Variants in SLC44A1 observed in about 807,000 individuals in gnomAD.
The protein encoded by SLC44A1 is choline transporter-like protein 1.
A neutral mutation model predicts 79.3 loss-of-function variants in SLC44A1; 26 were observed. The ratio of observed to expected loss-of-function variants is 0.33; its 90% confidence interval spans 0.24 to 0.46. SLC44A1 has a LOEUF of 0.46. Ranked by LOEUF, SLC44A1 falls within the 20% of genes least tolerant of loss-of-function variation. The pLI is 1.00. For synonymous variants in SLC44A1, 263 were observed against 286.2 expected (o/e 0.92, Z 0.82); for missense variants, 688 against 798.1 (o/e 0.86, Z 1.66).
chr9:105,287,332 C>T (rs1372139869), intron 1 of SLC44A1, among the ~76,000 whole-genome samples: 2 of 152,168 alleles, frequency 1.3e-5, no homozygotes, highest in Non-Finnish European at 2.9e-5. Flanking sequence ...TTCAGTTTTT[C>T]TCATTGTATT....
intron 4 of SLC44A1, among the ~76,000 whole-genome samples, chr9:105,341,917 T>G (rs1397590863): frequency 6.6e-6 from 1 of 152,220 alleles, no homozygotes; most frequent in East Asian, 1.9e-4. Context: ...TTCATATCTC[T>G]TCTTCTCTTA....
intron 5 of SLC44A1, among the ~76,000 whole-genome samples, chr9:105,355,545 A>G (rs1168038184): frequency 6.6e-6 from 1 of 152,192 alleles, no homozygotes; most frequent in African/African-American, 2.4e-5. Context: ...ATCACATTAG[A>G]TATACTTTTC....
intron 4 of SLC44A1, among the ~76,000 whole-genome samples, chr9:105,343,102 C>T (rs1427065108): frequency 4.0e-5 from 6 of 151,796 alleles, no homozygotes; most frequent in Non-Finnish European, 7.4e-5. Flanking sequence ...TTCCATTATT[C>T]TTATCAAAGT....
At chr9:105,289,269 C>G (rs1830547618) in intron 1 of SLC44A1, among the ~76,000 whole-genome samples, 1 of 152,074 alleles carries the variant, frequency 6.6e-6, no homozygotes, top group South Asian at 2.1e-4. Flanking sequence ...AGTCCCTGTC[C>G]CCAAGTAGAC....
intron 1 of SLC44A1, among the ~76,000 whole-genome samples, chr9:105,283,242 C>G (rs909117072): frequency 6.6e-6 from 1 of 152,198 alleles, no homozygotes; most frequent in South Asian, 2.1e-4. Flanking sequence ...GTAAGGCAAG[C>G]CTGCAGATCT....
At chr9:105,385,213 AAAG>A (rs1482629469) in intron 14 of SLC44A1, among the ~76,000 whole-genome samples, 1 of 152,200 alleles carries the variant, frequency 6.6e-6, no homozygotes, top group Non-Finnish European at 1.5e-5. Flanking sequence ...GAATGGATGG[AAAG>A]AAGATTTTTT....
chr9:105,407,250 G>T (rs908530142), intron 15 of SLC44A1, among the ~76,000 whole-genome samples: 2 of 151,912 alleles, frequency 1.3e-5, no homozygotes, highest in African/African-American at 4.8e-5. Context: ...GGGCTATAAA[G>T]AAAAAAATAC....
chr9:105,419,897 A>G (rs1249621883), intron 15 of SLC44A1, among the ~76,000 whole-genome samples: 1 of 148,066 alleles, frequency 6.8e-6, no homozygotes, highest in Non-Finnish European at 1.5e-5. Flanking sequence ...CTGGGCCATA[A>G]TAGTGAAACT....
chr9:105,316,056 ATTTG>A (rs1361993406), intron 3 of SLC44A1, among the ~76,000 whole-genome samples: 1 of 152,188 alleles, frequency 6.6e-6, no homozygotes, highest in Non-Finnish European at 1.5e-5. Context: ...TCATTCATTC[ATTTG>A]TGAACTCTGT....
At chr9:105,263,082 A>G (rs1829878431) in intron 1 of SLC44A1, among the ~76,000 whole-genome samples, 1 of 152,208 alleles carries the variant, frequency 6.6e-6, no homozygotes, top group Admixed American at 6.5e-5. Context: ...AAATTGTCAC[A>G]TGGAATCCTT....
chr9:105,301,451 A>G (rs1333408883), intron 2 of SLC44A1, among the ~76,000 whole-genome samples: 2 of 152,260 alleles, frequency 1.3e-5, no homozygotes, highest in Admixed American at 6.5e-5. Flanking sequence ...TTGAGCTAAC[A>G]TCGTATTTTG....
chr9:105,423,016 A>G (rs568906321), intron 15 of SLC44A1, among the ~76,000 whole-genome samples: 1 of 152,332 alleles, frequency 6.6e-6, no homozygotes, highest in African/African-American at 2.4e-5. Context: ...GTACTTATTG[A>G]ATGAACAAAG....
chr9:105,398,123 T>C (rs74671968), downstream of SLC44A1, among the ~76,000 whole-genome samples: 9,423 of 152,274 alleles, frequency 0.062, 368 homozygotes, highest in Non-Finnish European at 0.085. Context: ...GCAGTAGCTG[T>C]GCCCCATTTA....
chr9:105,284,882 A>C (rs550440845), intron 1 of SLC44A1, among the ~76,000 whole-genome samples: 33 of 152,198 alleles, frequency 2.2e-4, no homozygotes, highest in Non-Finnish European at 4.7e-4. Context: ...CAGTTTTAGA[A>C]CATTTTTATC....
At chr9:105,378,632 T>C (rs977940119) in intron 13 of SLC44A1, among the ~76,000 whole-genome samples, 2 of 152,054 alleles carry the variant, frequency 1.3e-5, no homozygotes, top group African/African-American at 4.8e-5. Flanking sequence ...GATAAATACA[T>C]TTTTTTAATT....
At position 105,356,289 on chromosome 9, in the gene SLC44A1, C is replaced by T. The variant is rs770643737; in HGVS notation, c.578C>T (p.Thr193Ile). The T allele has an allele frequency of 5.6e-6, 9 of 1,613,090 alleles. No individual in the cohort carries two copies. In the South Asian group the frequency reaches 9.9e-5, roughly 18 times the overall value. Residue 193 changes from threonine to isoleucine, a missense_variant, in exon 6 of 16, where the codon ACC becomes ATC. Transcript: ENST00000374720. ...GCCAAGTTTGCAGAGGCCCTGATCACCTTTGTCAGTGACAATAGTGTCTTA... is the reference window on the plus strand; with the variant it reads ...GCCAAGTTTGCAGAGGCCCTGATCATCTTTGTCAGTGACAATAGTGTCTTA... ...CYAKFAEALI[T>I]FVSDNSVLHR...
intron 4 of SLC44A1, among the ~76,000 whole-genome samples, chr9:105,344,269 A>G (rs540278622): frequency 1.3e-5 from 2 of 152,346 alleles, no homozygotes; most frequent in South Asian, 4.1e-4. Flanking sequence ...CCCCCAGCAT[A>G]GAAACTCTTT....
chr9:105,344,963 G>C (rs967229614), intron 4 of SLC44A1, among the ~76,000 whole-genome samples: 1 of 152,164 alleles, frequency 6.6e-6, no homozygotes. Flanking sequence ...CAAGCAGAGG[G>C]AACAGCATGT....
chr9:105,320,231 G>A (rs1377234188), intron 3 of SLC44A1, among the ~76,000 whole-genome samples: 2 of 151,202 alleles, frequency 1.3e-5, no homozygotes, highest in Non-Finnish European at 2.9e-5. Context: ...CCATTGTGTG[G>A]CTATAACACA....
Sources: gnomAD v4.1 joint callset for allele counts (sites outside exome capture counted in the v4.1 genomes callset) on GRCh38, gnomAD v4.1.1 for gene constraint, MANE v1.5 for transcripts, NCBI Gene and HGNC (gene_info 2026-07-23, HGNC 2026-07-21) for gene names.